The following TDRD7 variants were observed in gnomAD, a reference collection of about 807,000 sequenced individuals.
TDRD7 encodes tudor domain containing 7.
A neutral mutation model predicts 109.8 loss-of-function variants in TDRD7; 47 were observed. The observed-to-expected ratio is 0.43, with a 90% CI of 0.34 to 0.55. TDRD7 has a LOEUF of 0.55. Ranked by LOEUF, TDRD7 falls within the 20% of genes least tolerant of loss-of-function variation. The probability of loss-of-function intolerance (pLI) is 0.03; values close to 1 mark genes in which losing one functional copy is unlikely to be tolerated. For synonymous variants in TDRD7, 424 were observed against 457.3 expected, an observed-to-expected ratio of 0.93 and a Z score of 0.93; for missense variants, 1,164 against 1,319.2, an observed-to-expected ratio of 0.88 and a Z score of 1.82.
intron 13 of TDRD7, 59 bp from the exon 14 acceptor site, chr9:97,480,769 A>T: frequency 7.7e-7 from 1 of 1,296,732 alleles, no homozygotes; most frequent in Non-Finnish European, 1.1e-6. Flanking sequence ...TATTAACATT[A>T]CTCATAACTA....
At chr9:97,455,220 G>A (rs1442415722) in intron 6 of TDRD7, among the ~76,000 whole-genome samples, 1 of 152,126 alleles carries the variant, frequency 6.6e-6, no homozygotes, top group African/African-American at 2.4e-5. Flanking sequence ...GGCCCAGGTG[G>A]ATTCACAGCT....
chr9:97,458,286 G>A (rs921461366), intron 6 of TDRD7, among the ~76,000 whole-genome samples: 1 of 152,100 alleles, frequency 6.6e-6, no homozygotes, highest in African/African-American at 2.4e-5. Flanking sequence ...ATTCTATATG[G>A]CAAGTTAATC....
intron 8 of TDRD7, among the ~76,000 whole-genome samples, chr9:97,469,463 T>G (rs1197638037): frequency 1.3e-5 from 2 of 152,194 alleles, no homozygotes; most frequent in African/African-American, 4.8e-5. Context: ...TTCCCTTAGA[T>G]TCTCTGCTGG....
rs773537488 is a variant in TDRD7, at chr9:97,483,286, C to A, written c.2850C>A (p.Ser950Arg). The change falls in exon 15 of 17, where the codon AGC becomes AGA. Residue 950 changes from serine to arginine, a missense_variant. By Grantham distance (110) the Ser-to-Arg change is moderately radical. Around this residue, in one of 5 missense-constraint regions of TDRD7, gnomAD observed 162 missense variants for 222.5 expected, o/e 0.73. Coordinates refer to ENST00000355295, the MANE Select transcript of TDRD7 (RefSeq NM_014290.3). The stretch of plus-strand genomic sequence containing the variant: ...TGGAAGAGATGATTCTATATTACAG[C>A]GTGTCTGAAGAGCGCCACATAGCAG... ...VLMEEMILYY[S>R]VSEERHIAVE... 1.9e-6 allele frequency: 3 copies of A among 1,613,892 alleles called. No homozygotes were observed. Among genetic ancestry groups the A allele is most frequent in the African/African-American group, 2.7e-5 (2 of 74,916 alleles).
At chr9:97,488,079 G>A (rs149623438) in intron 16 of TDRD7, among the ~76,000 whole-genome samples, 25 of 152,324 alleles carry the variant, frequency 1.6e-4, no homozygotes, top group Non-Finnish European at 3.4e-4. Flanking sequence ...TCCTTGTAAT[G>A]TGGTCTAATG....
chr9:97,419,142 C>T (rs1364851760), intron 1 of TDRD7, among the ~76,000 whole-genome samples: 2 of 152,162 alleles, frequency 1.3e-5, no homozygotes, highest in East Asian at 3.9e-4. Flanking sequence ...GCGTATGTAG[C>T]TGATAGCCAA....
chr9:97,490,822 C>G (rs1302441877), intron 16 of TDRD7, among the ~76,000 whole-genome samples: 2 of 151,118 alleles, frequency 1.3e-5, no homozygotes, highest in African/African-American at 4.9e-5. Flanking sequence ...TTCCCTCAGC[C>G]AAGTCTAATC....
At chr9:97,473,657 T>C (rs370367508) in intron 11 of TDRD7, 31 bp downstream of exon 11, 1 of 1,612,864 alleles carries the variant, frequency 6.2e-7, no homozygotes, top group Non-Finnish European at 8.5e-7. Context: ...CCTCTAAAAT[T>C]AGCCCTAAAA....
intron 7 of TDRD7, among the ~76,000 whole-genome samples, chr9:97,464,240 C>T (rs570408824): frequency 4.5e-4 from 69 of 152,232 alleles, no homozygotes; most frequent in Non-Finnish European, 8.1e-4. Context: ...AGGACACTAT[C>T]GCTGCTTCCT....
intron 6 of TDRD7, 53 bp from the exon 7 acceptor site, chr9:97,460,125 G>C: frequency 6.8e-7 from 1 of 1,465,784 alleles, no homozygotes; most frequent in South Asian, 1.1e-5. Flanking sequence ...TGTGTTTGTG[G>C]GTTGTTTATA....
Position 97,482,878 on chromosome 9 carries a change from C to G in TDRD7, c.2442C>G (p.Ile814Met). Residue 814 changes from isoleucine to methionine, a missense_variant, in exon 15 of 17, where the codon ATC becomes ATG. Physicochemically the swap from Ile to Met is conservative, Grantham distance 10. Transcript: ENST00000355295. ...KVTKVDETRG[I>M]AHVYLFTPKN... The stretch of plus-strand genomic sequence containing the variant: ...CAAAAGTGGATGAAACCAGAGGGAT[C>G]GCACATGTTTATTTATTTACCCCTA... 6.2e-7 allele frequency: 1 copy of G among 1,614,052 alleles called. No homozygotes were observed. The highest frequency in any genetic ancestry group is 8.5e-7 in the Non-Finnish European group (1 of 1,179,950).
chr9:97,459,867 T>C (rs1241532862), intron 6 of TDRD7, among the ~76,000 whole-genome samples: 1 of 152,230 alleles, frequency 6.6e-6, no homozygotes, highest in Non-Finnish European at 1.5e-5. Flanking sequence ...TTGTTTTGGA[T>C]TTGGCAGAAA....
chr9:97,432,683 CTTTG>C (rs1260806862), intron 4 of TDRD7, among the ~76,000 whole-genome samples: 2 of 152,250 alleles, frequency 1.3e-5, no homozygotes, highest in Non-Finnish European at 2.9e-5. Flanking sequence ...ACCTATAAGT[CTTTG>C]TTTGGGTGCT....
chr9:97,438,756 C>T (rs964642904), intron 4 of TDRD7, among the ~76,000 whole-genome samples: 1 of 152,092 alleles, frequency 6.6e-6, no homozygotes, highest in Non-Finnish European at 1.5e-5. Flanking sequence ...ATGCCACTTT[C>T]ATTATGTACC....
At chr9:97,423,585 C>CTT (rs1022199387) in intron 1 of TDRD7, among the ~76,000 whole-genome samples, 1 of 151,990 alleles carries the variant, frequency 6.6e-6, no homozygotes, top group African/African-American at 2.4e-5. Flanking sequence ...ATAAATTTCT[C>CTT]TTTTTGTTCT....
chr9:97,474,448 G>A (rs373427132), intron 11 of TDRD7, among the ~76,000 whole-genome samples: 27 of 152,066 alleles, frequency 1.8e-4, no homozygotes, highest in Non-Finnish European at 2.9e-4. Context: ...TTTCTAGACC[G>A]TATGCTTCTT....
intron 8 of TDRD7, among the ~76,000 whole-genome samples, chr9:97,467,997 C>T (rs932070269): frequency 8.5e-5 from 13 of 152,206 alleles, no homozygotes; most frequent in Admixed American, 7.2e-4. Flanking sequence ...ATATTGGTGC[C>T]ATTTGTTGAA....
chr9:97,447,515 C>A (rs1029103736), intron 6 of TDRD7, among the ~76,000 whole-genome samples: 4 of 152,132 alleles, frequency 2.6e-5, no homozygotes, highest in African/African-American at 9.7e-5. Flanking sequence ...ACATGCCCAG[C>A]AAGCTCTACA....
chr9:97,419,823 A>G (rs144236585), intron 1 of TDRD7, among the ~76,000 whole-genome samples: 2 of 152,094 alleles, frequency 1.3e-5, no homozygotes, highest in Non-Finnish European at 1.5e-5. Flanking sequence ...TCCCAGTACC[A>G]GTAGACAGGG....
Sources: allele counts gnomAD v4.1 joint callset (sites outside exome capture counted in the v4.1 genomes callset), GRCh38; gene constraint gnomAD v4.1.1; regional missense constraint gnomAD v4.1.1; transcripts MANE v1.5; gene names NCBI Gene and HGNC (gene_info 2026-07-23, HGNC 2026-07-21).